The following RPRD1B variants were observed in gnomAD, a reference collection of about 807,000 sequenced individuals.
RPRD1B encodes regulation of nuclear pre-mRNA domain containing 1B, also known as regulation of nuclear pre-mRNA domain-containing protein 1B.
In RPRD1B, 11 loss-of-function variants were observed where a neutral mutation model predicts 41.5. That is an observed-to-expected ratio of 0.27 (90% confidence interval 0.17 to 0.44). The LOEUF (loss-of-function observed/expected upper bound fraction) is 0.44, where lower values mean the gene tolerates loss of function less well. Among genes scored for constraint, RPRD1B ranks in the 20% least tolerant of loss-of-function variants. The pLI, the probability that RPRD1B is intolerant of heterozygous loss-of-function variation, is 1.00. For missense variants in RPRD1B, 248 were observed against 389.9 expected, an observed-to-expected ratio of 0.64 and a Z score of 3.06; for synonymous variants, 158 against 155.6, an observed-to-expected ratio of 1.02 and a Z score of -0.12.
At chr20:38,066,352 A>T in intron 6 of RPRD1B, 96 bp downstream of exon 6, 1 of 1,152,076 alleles carries the variant, frequency 8.7e-7, no homozygotes, top group South Asian at 1.5e-5. Flanking sequence ...CAACATTTTT[A>T]TCGTTTAAAA....
chr20:38,066,531 C>G (rs1004338779), intron 6 of RPRD1B, among the ~76,000 whole-genome samples: 1 of 152,146 alleles, frequency 6.6e-6, no homozygotes, highest in African/African-American at 2.4e-5. Context: ...TTCGTTTGAA[C>G]TCATGTTTTT....
intron 6 of RPRD1B, among the ~76,000 whole-genome samples, chr20:38,066,999 G>A (rs898485506): frequency 7.2e-5 from 11 of 152,176 alleles, no homozygotes; most frequent in African/African-American, 2.7e-4. Context: ...CGGCCAAGAA[G>A]TTGTCTGCCT....
In RPRD1B at chr20:38,057,642, T is replaced by A; in HGVS notation, c.526T>A (p.Leu176Met). ...TCAGGATCCTTCTGCAGGACCCCTC[T>A]TGGTAGGTCTTGACCCCCAGAGAGT... ...SPQDPSAGPL[L>M]TEELIKALQD... The change falls in exon 4 of 7, where the codon TTG becomes ATG. Residue 176 changes from leucine to methionine, a missense_variant and splice_region_variant. By Grantham distance (15) the Leu-to-Met change is conservative. This residue lies in a region of RPRD1B where 94 missense variants were observed against 82.3 expected (regional missense o/e 1.14). Transcript: ENST00000373433. 6.2e-7 allele frequency: 1 copy of A among 1,606,412 alleles called. No individual in the cohort carries two copies. Among genetic ancestry groups the A allele is most frequent in the Non-Finnish European group, 8.5e-7 (1 of 1,173,072 alleles).
At chr20:38,089,534 G>A (rs745768041) in intron 6 of RPRD1B, among the ~76,000 whole-genome samples, 192 bp from the exon 7 acceptor site, 1 of 152,156 alleles carries the variant, frequency 6.6e-6, no homozygotes, top group South Asian at 2.1e-4. Flanking sequence ...GGCACTCTGC[G>A]TTCCTTTTTT....
chr20:38,078,322 T>C (rs994475550), intron 6 of RPRD1B, among the ~76,000 whole-genome samples: 2 of 152,194 alleles, frequency 1.3e-5, no homozygotes. Context: ...GCTTTACATA[T>C]GCTGTTCCCA....
At chr20:38,065,346 A>G (rs1449755256) in intron 5 of RPRD1B, among the ~76,000 whole-genome samples, 2 of 152,082 alleles carry the variant, frequency 1.3e-5, no homozygotes, top group Non-Finnish European at 2.9e-5. Flanking sequence ...AGTGCATGCT[A>G]TTTTTTATTC....
chr20:38,056,051 G>A (rs1434397014), intron 3 of RPRD1B, among the ~76,000 whole-genome samples: 4 of 152,202 alleles, frequency 2.6e-5, no homozygotes, highest in South Asian at 2.1e-4. Flanking sequence ...TATTGCAGAT[G>A]TTCCTGTCTC....
At chr20:38,040,296 C>T in intron 1 of RPRD1B, 139 bp from the exon 2 acceptor site, 2 of 505,304 alleles carry the variant, frequency 4.0e-6, no homozygotes, top group Non-Finnish European at 6.3e-6. Flanking sequence ...CTTAGGTGGT[C>T]TTTTTAAACA....
At position 38,063,963 on chromosome 20, in the gene RPRD1B, ATTTTCT is replaced by A. The variant is rs1243629661; in HGVS notation, c.656-2113_656-2108del. Among the ~76,000 whole-genome samples the A allele has an allele frequency of 2.0e-5, 3 of 152,278 alleles. No individual in the cohort carries two copies. In the East Asian group the frequency reaches 5.8e-4, roughly 29 times the overall value. On this transcript the variant is annotated intron_variant, in intron 5 of 6. Transcript: ENST00000373433. ...TAAAAGTTCTTGAGGCTGCAAATTG[ATTTTCT>A]TTTTAATCTTAAAAATTAGTATTTG...
chr20:38,064,222 ATTC>A (rs1213950379), intron 5 of RPRD1B, among the ~76,000 whole-genome samples: 4 of 152,112 alleles, frequency 2.6e-5, no homozygotes, highest in African/African-American at 9.7e-5. Context: ...CACCAAGGAC[ATTC>A]TTTGTTTCCC....
At chr20:38,080,191 C>T (rs1293561698) in intron 6 of RPRD1B, among the ~76,000 whole-genome samples, 3 of 152,114 alleles carry the variant, frequency 2.0e-5, no homozygotes, top group Non-Finnish European at 4.4e-5. Flanking sequence ...TTGATAGTTT[C>T]TTTTGCTGTG....
At chr20:38,083,817 G>A (rs960259035) in intron 6 of RPRD1B, 11 of 152,126 alleles carry the variant, frequency 7.2e-5, no homozygotes, top group Non-Finnish European at 1.5e-4. Flanking sequence ...ATCTTACCCA[G>A]TGTCTTACTC....
At chr20:38,066,481 A>G (rs2122737784) in intron 6 of RPRD1B, among the ~76,000 whole-genome samples, 1 of 152,364 alleles carries the variant, frequency 6.6e-6, no homozygotes, top group East Asian at 1.9e-4. Context: ...GGAAACAAAC[A>G]GTGAACTCTT....
intron 6 of RPRD1B, among the ~76,000 whole-genome samples, chr20:38,071,717 T>C (rs1337101717): frequency 6.6e-6 from 1 of 152,216 alleles, no homozygotes; most frequent in Non-Finnish European, 1.5e-5. Context: ...GTCTCTTTAT[T>C]TTCGACAACC....
In RPRD1B at chr20:38,090,221, C is replaced by T. The variant is rs1235477075; in HGVS notation, c.*346C>T. 1 of 1,005,408 alleles carries T rather than the reference C, an allele frequency of 9.9e-7. No individual in the cohort carries two copies. The highest frequency in any genetic ancestry group is 5.7e-5 in the Admixed American group (1 of 17,588). The allele number at this position is 1,005,408 out of a possible 1,614,324, so 62.3% of individuals were successfully genotyped here. A position where few individuals can be genotyped will look rare whatever the true frequency, so the allele number is the denominator to read the frequency against. ...TACTTCTGGAAGCTTTCGAAAGAAT[C>T]TTGTCCCTCATGACAGCATTTTATC... On this transcript the variant is annotated 3_prime_UTR_variant, in exon 7 of 7. Transcript: ENST00000373433.
intron 5 of RPRD1B, among the ~76,000 whole-genome samples, chr20:38,064,505 T>A (rs1158968858): frequency 2.0e-5 from 3 of 152,334 alleles, no homozygotes; most frequent in African/African-American, 4.8e-5. Context: ...AGCACCAACC[T>A]ACTCTTTTGA....
At chr20:38,065,669 T>C (rs186502369) in intron 5 of RPRD1B, among the ~76,000 whole-genome samples, 1 of 152,324 alleles carries the variant, frequency 6.6e-6, no homozygotes, top group African/African-American at 2.4e-5. Context: ...TCATGGTTGG[T>C]TGAATCCACA....
rs139995893 is a variant in RPRD1B at position 38,039,342 on chromosome 20, A to G, written c.152-1093A>G. Reference sequence around the variant, plus strand: ...TTGGTGCACCTAGAGATTCTTCTATATTATTGATTATGGTTATTGGAGTAT... The same window carrying G: ...TTGGTGCACCTAGAGATTCTTCTATGTTATTGATTATGGTTATTGGAGTAT... On this transcript the variant is annotated intron_variant, in intron 1 of 6. Coordinates refer to ENST00000373433, the MANE Select transcript of RPRD1B (RefSeq NM_021215.4). Among the ~76,000 whole-genome samples the G allele has an allele frequency of 6.8e-3, 1,040 of 152,068 alleles. 5 individuals carry two copies. The highest frequency in any genetic ancestry group is 0.02 in the African/African-American group (830 of 41,442).
intron 6 of RPRD1B, among the ~76,000 whole-genome samples, chr20:38,071,476 T>A (rs1372435086): frequency 6.6e-6 from 1 of 152,246 alleles, no homozygotes; most frequent in Non-Finnish European, 1.5e-5. Context: ...TTGGCTCTTA[T>A]GAATAGTGTT....
Sources: allele counts gnomAD v4.1 joint callset (sites outside exome capture counted in the v4.1 genomes callset), GRCh38; gene constraint gnomAD v4.1.1; regional missense constraint gnomAD v4.1.1; transcripts MANE v1.5; gene names NCBI Gene and HGNC (gene_info 2026-07-23, HGNC 2026-07-21).